SMOC1: variants seen among roughly 807,000 people sequenced by gnomAD.
SMOC1 encodes the protein SPARC related modular calcium binding 1.
In SMOC1, 22 loss-of-function variants were observed where a neutral mutation model predicts 56.3. The ratio of observed to expected loss-of-function variants is 0.39; its 90% CI spans 0.28 to 0.56. The LOEUF (loss-of-function observed/expected upper bound fraction) is 0.56, where lower values mean the gene tolerates loss of function less well. Among genes scored for constraint, SMOC1 ranks in the 20% least tolerant of loss-of-function variants. The pLI, the probability that SMOC1 is intolerant of heterozygous loss-of-function variation, is 0.61. For synonymous variants in SMOC1, 193 were observed against 215.0 expected (o/e 0.90, Z 0.89); for missense variants, 509 against 565.4 (o/e 0.90, Z 1.01).
intron 1 of SMOC1, among the ~76,000 whole-genome samples, chr14:69,936,809 T>C (rs1312945767): frequency 6.6e-6 from 1 of 151,252 alleles, no homozygotes; most frequent in East Asian, 1.9e-4. Context: ...ATAACCCATC[T>C]GTGTTCCTAC....
intron 1 of SMOC1, among the ~76,000 whole-genome samples, chr14:69,941,644 A>C (rs777897804): frequency 5.3e-5 from 8 of 152,126 alleles, no homozygotes; most frequent in Non-Finnish European, 1.0e-4. Context: ...TCAGTTTTTT[A>C]ACAAAACAAA....
At chr14:69,904,807 G>A (rs1884362496) in intron 1 of SMOC1, among the ~76,000 whole-genome samples, 2 of 152,182 alleles carry the variant, frequency 1.3e-5, no homozygotes, top group African/African-American at 2.4e-5. Context: ...CCTTCATGGG[G>A]TTGTGGTGAC....
chr14:70,011,590 C>A (rs375808586), intron 9 of SMOC1, 23 bp downstream of exon 9: 2 of 1,606,622 alleles, frequency 1.2e-6, no homozygotes, highest in East Asian at 2.2e-5. Context: ...GCTGCCCTGC[C>A]GGCGCCATCA....
intron 1 of SMOC1, among the ~76,000 whole-genome samples, chr14:69,910,139 A>G (rs944063272): frequency 1.3e-5 from 2 of 152,244 alleles, no homozygotes; most frequent in African/African-American, 2.4e-5. Context: ...AACATGTTTT[A>G]TGGATCAAGT....
At chr14:69,927,187 T>C (rs757531773) in intron 1 of SMOC1, among the ~76,000 whole-genome samples, 1 of 152,252 alleles carries the variant, frequency 6.6e-6, no homozygotes, top group Non-Finnish European at 1.5e-5. Context: ...ACATGCTTCA[T>C]GTCGTGCTGA....
intron 3 of SMOC1, among the ~76,000 whole-genome samples, chr14:69,958,315 C>G (rs1883260570): frequency 6.6e-6 from 1 of 152,086 alleles, no homozygotes. Flanking sequence ...CACACATTAG[C>G]CTTAACAACA....
At chr14:70,006,034 T>A (rs144695119) in intron 7 of SMOC1, among the ~76,000 whole-genome samples, 88 of 152,302 alleles carry the variant, frequency 5.8e-4, no homozygotes, top group African/African-American at 2.0e-3. Flanking sequence ...GCCCCCTGTC[T>A]TGCATTCTGG....
At chr14:69,904,345 A>G (rs1337534125) in intron 1 of SMOC1, among the ~76,000 whole-genome samples, 1 of 152,228 alleles carries the variant, frequency 6.6e-6, no homozygotes, top group Non-Finnish European at 1.5e-5. Flanking sequence ...CTTGCCAAGC[A>G]TGCATGCATG....
chr14:70,021,551 G>A (rs866119845), intron 10 of SMOC1, among the ~76,000 whole-genome samples: 4 of 152,084 alleles, frequency 2.6e-5, no homozygotes, highest in Admixed American at 6.6e-5. Context: ...CACACCTTCC[G>A]CCAGGTACTC....
At chr14:69,971,641 G>A (rs1883767292) in intron 3 of SMOC1, among the ~76,000 whole-genome samples, 1 of 152,098 alleles carries the variant, frequency 6.6e-6, no homozygotes. Context: ...AAAAAGGAAG[G>A]GTATTACTTA....
chr14:69,973,632 G>A (rs1275876058), intron 3 of SMOC1, among the ~76,000 whole-genome samples: 1 of 152,216 alleles, frequency 6.6e-6, no homozygotes, highest in Non-Finnish European at 1.5e-5. Context: ...GGAGCTGCGG[G>A]AAATGCCTCA....
chr14:69,896,313 C>G (rs565833661), intron 1 of SMOC1, among the ~76,000 whole-genome samples: 8 of 152,166 alleles, frequency 5.3e-5, no homozygotes, highest in Non-Finnish European at 1.0e-4. Context: ...TCAAAGAGAC[C>G]TGAGATTAGG....
chr14:70,006,904 C>T (rs1425938180), intron 7 of SMOC1, among the ~76,000 whole-genome samples: 4 of 152,158 alleles, frequency 2.6e-5, no homozygotes, highest in African/African-American at 9.7e-5. Flanking sequence ...GCTGCAAGTC[C>T]TCTTGAGGCC....
intron 1 of SMOC1, among the ~76,000 whole-genome samples, chr14:69,927,971 T>G (rs1030327775): frequency 6.6e-6 from 1 of 152,096 alleles, no homozygotes; most frequent in African/African-American, 2.4e-5. Flanking sequence ...AAGGGGTCAG[T>G]GCAGGGAAGA....
intron 3 of SMOC1, among the ~76,000 whole-genome samples, chr14:69,955,091 A>G (rs1883137948): frequency 6.6e-6 from 1 of 152,162 alleles, no homozygotes; most frequent in Non-Finnish European, 1.5e-5. Flanking sequence ...AAGCCTCACC[A>G]CAAGCCTGTG....
intron 1 of SMOC1, among the ~76,000 whole-genome samples, chr14:69,943,892 C>T (rs1458060054): frequency 1.3e-5 from 2 of 152,220 alleles, no homozygotes; most frequent in Non-Finnish European, 2.9e-5. Flanking sequence ...CAGCAAAGCC[C>T]TTTCTGCCCC....
chr14:70,027,395 G>A (rs1178530648), intron 11 of SMOC1, among the ~76,000 whole-genome samples: 1 of 152,088 alleles, frequency 6.6e-6, no homozygotes, highest in East Asian at 1.9e-4. Context: ...GGGAGTCTGG[G>A]GAAGAGGGGG....
intron 10 of SMOC1, among the ~76,000 whole-genome samples, chr14:70,022,316 A>T (rs1885754280): frequency 1.3e-5 from 2 of 152,258 alleles, no homozygotes; most frequent in African/African-American, 2.4e-5. Context: ...ACAGTTACAC[A>T]TGTAGACGTA....
chr14:70,005,400 A>C (rs1160371308), intron 7 of SMOC1, among the ~76,000 whole-genome samples: 2 of 151,418 alleles, frequency 1.3e-5, no homozygotes, highest in East Asian at 1.9e-4. Flanking sequence ...ATGTGAAAGA[A>C]CCCGTGCCCT....
Sources: gnomAD v4.1 joint callset for allele counts (sites outside exome capture counted in the v4.1 genomes callset) on GRCh38, gnomAD v4.1.1 for gene constraint, MANE v1.5 for transcripts, NCBI Gene and HGNC (gene_info 2026-07-23, HGNC 2026-07-21) for gene names.